The following SDK1 variants were observed in gnomAD, a reference collection of about 807,000 sequenced individuals.
The protein encoded by SDK1 is sidekick cell adhesion molecule 1, also known as protein sidekick-1.
A neutral mutation model predicts 245.5 loss-of-function variants in SDK1; 157 were observed. That is an observed-to-expected ratio of 0.64 (90% CI 0.56 to 0.73). The LOEUF is 0.73. Among genes scored for constraint, SDK1 ranks in the 30% least tolerant of loss-of-function variants. The pLI is 0.00. For synonymous variants in SDK1, 1,647 were observed against 1,278.5 expected (o/e 1.29, Z -6.15); for missense variants, 3,583 against 3,002.3 (o/e 1.19, Z -4.52).
At chr7:3,403,849 ATATATATATATATATATAT>A (rs1562466112) in intron 1 of SDK1, among the ~76,000 whole-genome samples, 2 of 97,838 alleles carry the variant, frequency 2.0e-5, no homozygotes, top group African/African-American at 1.1e-4. Flanking sequence ...ATATATATAT[ATATATATATATATATATAT>A]AATATATATA....
At chr7:4,144,332 G>T (rs948206096) in intron 28 of SDK1, among the ~76,000 whole-genome samples, 9 of 152,170 alleles carry the variant, frequency 5.9e-5, no homozygotes, top group Admixed American at 1.3e-4. Flanking sequence ...ACTGGAGGCA[G>T]GGCAGCGGCT....
chr7:3,533,402 A>G (rs1731723565), intron 1 of SDK1, among the ~76,000 whole-genome samples: 1 of 152,224 alleles, frequency 6.6e-6, no homozygotes. Context: ...CTTCCATTTG[A>G]CTTCAAAATA....
At chr7:3,576,497 C>T (rs1780297445) in intron 1 of SDK1, among the ~76,000 whole-genome samples, 1 of 152,060 alleles carries the variant, frequency 6.6e-6, no homozygotes, top group South Asian at 2.1e-4. Flanking sequence ...TGTCTTGCTC[C>T]TTGCTATGTT....
chr7:3,526,564 C>T (rs1293036941), intron 1 of SDK1, among the ~76,000 whole-genome samples: 16 of 151,984 alleles, frequency 1.1e-4, no homozygotes, highest in Admixed American at 9.8e-4. Flanking sequence ...TGGTGGAATT[C>T]TATTTTTAGT....
chr7:3,998,632 A>G (rs1322698098), intron 14 of SDK1, among the ~76,000 whole-genome samples: 1 of 151,920 alleles, frequency 6.6e-6, no homozygotes, highest in Non-Finnish European at 1.5e-5. Context: ...TTCATCTATG[A>G]CTCTAGGTTC....
intron 1 of SDK1, among the ~76,000 whole-genome samples, chr7:3,482,299 G>C (rs536741255): frequency 2.6e-5 from 4 of 152,244 alleles, no homozygotes; most frequent in African/African-American, 9.6e-5. Context: ...GGGTGAAAAA[G>C]GGCAAGCCAG....
At chr7:3,796,303 A>G (rs577792365) in intron 4 of SDK1, among the ~76,000 whole-genome samples, 93 of 152,372 alleles carry the variant, frequency 6.1e-4, no homozygotes, top group African/African-American at 2.2e-3. Flanking sequence ...AGGAAATGGA[A>G]GGGGCTTAAA....
intron 28 of SDK1, among the ~76,000 whole-genome samples, chr7:4,139,585 G>GTGTGTGTGTGTA (rs1779379842): frequency 2.1e-5 from 1 of 48,334 alleles, no homozygotes; most frequent in Non-Finnish European, 4.7e-5. Flanking sequence ...GTGTGTGTAT[G>GTGTGTGTGTGTA]TGTGTGTATA....
intron 1 of SDK1, among the ~76,000 whole-genome samples, chr7:3,399,714 C>G (rs1262139635): frequency 1.3e-5 from 2 of 152,182 alleles, no homozygotes; most frequent in African/African-American, 2.4e-5. Flanking sequence ...TGATTGGACA[C>G]AAATCCCTTT....
chr7:3,410,924 C>T (rs1045257840), intron 1 of SDK1, among the ~76,000 whole-genome samples: 5 of 151,994 alleles, frequency 3.3e-5, no homozygotes, highest in East Asian at 1.9e-4. Flanking sequence ...TCTCACCTGC[C>T]TTTGTGGAAA....
chr7:3,459,761 A>T (rs1780778579), intron 1 of SDK1, among the ~76,000 whole-genome samples: 1 of 152,146 alleles, frequency 6.6e-6, no homozygotes, highest in Non-Finnish European at 1.5e-5. Context: ...CTTGGTTTAG[A>T]CCAGTTGTGA....
At chr7:3,484,112 A>G (rs1262929882) in intron 1 of SDK1, among the ~76,000 whole-genome samples, 1 of 152,186 alleles carries the variant, frequency 6.6e-6, no homozygotes, top group Admixed American at 6.5e-5. Context: ...ACTTCAGTAT[A>G]TGTGAGGGGT....
At chr7:3,539,536 C>T (rs999877459) in intron 1 of SDK1, among the ~76,000 whole-genome samples, 2 of 152,144 alleles carry the variant, frequency 1.3e-5, no homozygotes, top group Non-Finnish European at 2.9e-5. Context: ...CAGAGAGATC[C>T]CTGCTGCCTG....
chr7:3,556,496 G>T (rs1247259238), intron 1 of SDK1, among the ~76,000 whole-genome samples: 1 of 152,016 alleles, frequency 6.6e-6, no homozygotes, highest in African/African-American at 2.4e-5. Flanking sequence ...AGTACAACAG[G>T]GTGACTAAAG....
intron 4 of SDK1, among the ~76,000 whole-genome samples, chr7:3,707,482 C>G (rs1056872474): frequency 2.0e-5 from 3 of 152,172 alleles, no homozygotes; most frequent in African/African-American, 7.2e-5. Context: ...TACGGTCTAT[C>G]TTGGAGACTG....
At chr7:4,183,285 A>G (rs1023821928) in intron 35 of SDK1, among the ~76,000 whole-genome samples, 2 of 152,160 alleles carry the variant, frequency 1.3e-5, no homozygotes, top group Admixed American at 6.5e-5. Context: ...GCAACTGGGA[A>G]AGTCACTAAT....
chr7:3,640,784 A>G (rs1583259580), intron 3 of SDK1, among the ~76,000 whole-genome samples: 1 of 151,942 alleles, frequency 6.6e-6, no homozygotes, highest in Non-Finnish European at 1.5e-5. Context: ...CCTAGGTTCA[A>G]GTGATTCTCC....
chr7:4,240,382 C>G (rs898096223), intron 42 of SDK1, among the ~76,000 whole-genome samples: 2 of 152,158 alleles, frequency 1.3e-5, no homozygotes, highest in African/African-American at 4.8e-5. Flanking sequence ...GATGGCCTCA[C>G]TCGACACCCC....
chr7:3,823,697 T>C (rs1164211135), intron 5 of SDK1, among the ~76,000 whole-genome samples: 1 of 152,230 alleles, frequency 6.6e-6, no homozygotes, highest in Non-Finnish European at 1.5e-5. Flanking sequence ...TAACTTTTCA[T>C]TGGCACCAGG....
Sources: gnomAD v4.1 joint callset for allele counts (sites outside exome capture counted in the v4.1 genomes callset) on GRCh38, gnomAD v4.1.1 for gene constraint, MANE v1.5 for transcripts, NCBI Gene and HGNC (gene_info 2026-07-23, HGNC 2026-07-21) for gene names.